The following TBC1D9 variants were observed in gnomAD, a reference collection of about 807,000 sequenced individuals.
TBC1D9 encodes the protein TBC1 domain family member 9A.
A neutral mutation model predicts 132.0 loss-of-function variants in TBC1D9; 63 were observed. That is an observed-to-expected ratio of 0.48 (90% CI 0.39 to 0.59). TBC1D9 has a LOEUF of 0.59. TBC1D9 is among the 20% of genes least tolerant of loss of function. TBC1D9 has a pLI of 0.00. For synonymous variants in TBC1D9, 610 were observed against 609.9 expected (o/e 1.00, Z 0.00); for missense variants, 1,261 against 1,592.7 (o/e 0.79, Z 3.54).
Position 140,662,372 on chromosome 4 carries a change from T to C in TBC1D9, c.1589-265A>G, listed in dbSNP as rs963792750. 3.9e-5 allele frequency among the ~76,000 whole-genome samples: 6 copies of C among 152,130 alleles called. No homozygotes were observed. In the East Asian group the frequency reaches 9.6e-4, roughly 24 times the overall value. ...AGGTTCCCAAGCTACAAAACCATGC[T>C]CTGAGGAACTCCCACAGACAGTCCT... On this transcript the variant is annotated intron_variant, in intron 9 of 20. Coordinates refer to ENST00000442267, the MANE Select transcript of TBC1D9 (RefSeq NM_015130.3).
chr4:140,739,559 A>C (rs1179359174), intron 1 of TBC1D9, among the ~76,000 whole-genome samples: 1 of 152,242 alleles, frequency 6.6e-6, no homozygotes, highest in African/African-American at 2.4e-5. Context: ...ACAATCAATT[A>C]AAGAATGAAA....
chr4:140,712,878 C>G (rs1475138950), intron 1 of TBC1D9, among the ~76,000 whole-genome samples: 1 of 151,980 alleles, frequency 6.6e-6, no homozygotes, highest in African/African-American at 2.4e-5. Context: ...TTCTCATGGC[C>G]TAATAACGAG....
chr4:140,677,966 C>T (rs1472808857), intron 5 of TBC1D9, among the ~76,000 whole-genome samples: 1 of 152,106 alleles, frequency 6.6e-6, no homozygotes, highest in African/African-American at 2.4e-5. Context: ...CACCAAAATG[C>T]TCTTCCCATC....
At chr4:140,648,172 C>G (rs1013832217) in intron 13 of TBC1D9, among the ~76,000 whole-genome samples, 1 of 152,068 alleles carries the variant, frequency 6.6e-6, no homozygotes, top group African/African-American at 2.4e-5. Flanking sequence ...GTGAGGGAGC[C>G]TATAATTATT....
chr4:140,659,782 G>A lies in TBC1D9; in HGVS notation c.1804-77C>T. Reference sequence around the variant, plus strand: ...TCTGTTAGCATATTAAAATTACTCAGTTATTCTCACAAGGGCTGGCAAACC... The same window carrying A: ...TCTGTTAGCATATTAAAATTACTCAATTATTCTCACAAGGGCTGGCAAACC... On this transcript the variant is annotated intron_variant, in intron 10 of 20. Transcript: ENST00000442267. The A allele has an allele frequency of 4.8e-6, 5 of 1,040,762 alleles. No individual in the cohort carries two copies. The Admixed American group carries it at 9.0e-5, about 19-fold the overall frequency. 64.5% of individuals were successfully genotyped at this position (1,040,762 alleles called of 1,614,324 possible).
chr4:140,657,613 G>A lies in TBC1D9; in HGVS notation c.2121C>T (p.Phe707=), dbSNP rs1447303367. 1 of 1,613,968 alleles carries A rather than the reference G, an allele frequency of 6.2e-7. No individual in the cohort carries two copies. The highest frequency in any genetic ancestry group is 2.2e-5 in the East Asian group (1 of 44,890). The change falls in exon 12 of 21, where the codon TTC becomes TTT. Residue 707 remains phenylalanine, a synonymous_variant. Transcript: ENST00000442267. ...CATCCAGCACAGCTAGGGCCAACTG[G>A]AATATCACTTTAATTCCTTCATAGA... ...CFFYEGIKVI[F]QLALAVLDAN...
chr4:140,732,796 C>T (rs969091544), intron 1 of TBC1D9, among the ~76,000 whole-genome samples: 5 of 152,178 alleles, frequency 3.3e-5, no homozygotes, highest in African/African-American at 1.2e-4. Flanking sequence ...ATCAGTAACA[C>T]TTTGGGGCAA....
chr4:140,673,219 T>C (rs2111012169), intron 6 of TBC1D9, among the ~76,000 whole-genome samples: 1 of 152,046 alleles, frequency 6.6e-6, no homozygotes, highest in Non-Finnish European at 1.5e-5. Flanking sequence ...TTCTTCAAAA[T>C]CTATAGCAAC....
In TBC1D9 at chr4:140,621,380, C is replaced by CAAAGCA. The variant is rs1440641403; in HGVS notation, c.*809_*814dup. On this transcript the variant is annotated 3_prime_UTR_variant, in exon 21 of 21. Transcript: ENST00000442267. ...ACTTTTACTCTTTCAAAAACAAAAG[C>CAAAGCA]AAAGCAAAAGCAAAAACCTGTCATG... is the stretch of plus-strand genomic sequence containing the variant. 6.6e-6 allele frequency: 1 copy of CAAAGCA among 152,202 alleles called. No individual in the cohort carries two copies. Among genetic ancestry groups the CAAAGCA allele is most frequent in the African/African-American group, 2.4e-5 (1 of 41,448 alleles). 9.4% of individuals were successfully genotyped at this position (152,202 alleles called of 1,614,324 possible).
intron 2 of TBC1D9, among the ~76,000 whole-genome samples, chr4:140,698,479 G>A (rs1432895701): frequency 1.3e-5 from 2 of 152,114 alleles, no homozygotes; most frequent in Non-Finnish European, 2.9e-5. Context: ...GGCCTGGTAC[G>A]GTGGCTCATG....
At chr4:140,716,921 T>TA (rs201548614) in intron 1 of TBC1D9, among the ~76,000 whole-genome samples, 46,253 of 134,402 alleles carry the variant, frequency 0.34, 7,925 homozygotes, top group South Asian at 0.46. Flanking sequence ...ATGGGGGCTG[T>TA]AAAAAAAAAA....
chr4:140,653,426 G>C (rs965979018), intron 13 of TBC1D9, among the ~76,000 whole-genome samples: 2 of 152,144 alleles, frequency 1.3e-5, no homozygotes, highest in African/African-American at 2.4e-5. Flanking sequence ...ATCCAGCGCA[G>C]TGAATCTCAA....
intron 16 of TBC1D9, among the ~76,000 whole-genome samples, chr4:140,630,935 G>T (rs1418839655): frequency 6.6e-6 from 1 of 152,176 alleles, no homozygotes; most frequent in Non-Finnish European, 1.5e-5. Context: ...ACTCTATCGT[G>T]CAAATAAGGA....
chr4:140,659,245 G>A (rs570321231), intron 11 of TBC1D9, among the ~76,000 whole-genome samples: 9 of 152,044 alleles, frequency 5.9e-5, no homozygotes, highest in African/African-American at 1.7e-4. Flanking sequence ...TCTGTATTTC[G>A]TAGGTTCCCA....
chr4:140,753,457 G>A (rs1193872364), intron 1 of TBC1D9, among the ~76,000 whole-genome samples: 2 of 152,122 alleles, frequency 1.3e-5, no homozygotes, highest in East Asian at 1.9e-4. Context: ...GAGGGTGGGA[G>A]AAGAGAGAAG....
chr4:140,752,789 C>T (rs1336010998), intron 1 of TBC1D9, among the ~76,000 whole-genome samples: 1 of 152,200 alleles, frequency 6.6e-6, no homozygotes, highest in Non-Finnish European at 1.5e-5. Context: ...TAAGTGTCCT[C>T]AACTTTGACC....
intron 3 of TBC1D9, among the ~76,000 whole-genome samples, chr4:140,685,787 G>A (rs1356228379): frequency 1.3e-5 from 2 of 152,088 alleles, no homozygotes; most frequent in Non-Finnish European, 2.9e-5. Context: ...TTAAAAACTT[G>A]GTCACATGGA....
At chr4:140,679,563 C>A in intron 4 of TBC1D9, 52 bp downstream of exon 4, 2 of 1,359,202 alleles carry the variant, frequency 1.5e-6, no homozygotes, top group Non-Finnish European at 2.1e-6. Context: ...GAGTTCAGGG[C>A]AAACCTCAGT....
chr4:140,731,644 A>G (rs1306050619), intron 1 of TBC1D9, among the ~76,000 whole-genome samples: 1 of 151,282 alleles, frequency 6.6e-6, no homozygotes, highest in East Asian at 1.9e-4. Flanking sequence ...ATCCTACACA[A>G]TGGCACCATA....
Sources: gnomAD v4.1 joint callset for allele counts (sites outside exome capture counted in the v4.1 genomes callset) on GRCh38, gnomAD v4.1.1 for gene constraint, MANE v1.5 for transcripts, NCBI Gene and HGNC (gene_info 2026-07-23, HGNC 2026-07-21) for gene names.